TCF12: variants seen among roughly 807,000 people sequenced by gnomAD.
TCF12 encodes transcription factor 12, also known as DNA-binding protein HTF4.
In TCF12, 45 loss-of-function variants were observed where a neutral mutation model predicts 86.0. That is an observed-to-expected ratio of 0.52 (90% confidence interval 0.41 to 0.67). TCF12 has a LOEUF of 0.67. TCF12 is among the 30% of genes least tolerant of loss of function. The probability of loss-of-function intolerance (pLI) is 0.00; values close to 1 mark genes in which losing one functional copy is unlikely to be tolerated. For synonymous variants in TCF12, 330 were observed against 299.6 expected, an observed-to-expected ratio of 1.10 and a Z score of -1.05; for missense variants, 881 against 859.9, an observed-to-expected ratio of 1.02 and a Z score of -0.31.
At chr15:56,957,618 A>G (rs2061555124) in intron 3 of TCF12, among the ~76,000 whole-genome samples, 1 of 152,192 alleles carries the variant, frequency 6.6e-6, no homozygotes, top group South Asian at 2.1e-4. Flanking sequence ...AGCACGTAAT[A>G]ACTAATTTAA....
At chr15:57,144,450 A>G (rs1267992221) in intron 5 of TCF12, among the ~76,000 whole-genome samples, 1 of 152,240 alleles carries the variant, frequency 6.6e-6, no homozygotes, top group Non-Finnish European at 1.5e-5. Context: ...AAATGCTTTT[A>G]ATGTAAACAA....
At chr15:56,932,989 T>C (rs1214429214) in intron 3 of TCF12, among the ~76,000 whole-genome samples, 1 of 152,232 alleles carries the variant, frequency 6.6e-6, no homozygotes, top group African/African-American at 2.4e-5. Flanking sequence ...GTAATTCTTT[T>C]TTTGTGTGGT....
Position 57,100,215 on chromosome 15 carries a change from C to T in TCF12, c.325+8324C>T, listed in dbSNP as rs111512506. Among the ~76,000 whole-genome samples, 119 of 152,208 alleles carry T rather than the reference C, an allele frequency of 7.8e-4. 4 individuals carry two copies. Among genetic ancestry groups the T allele is most frequent in the African/African-American group, 2.8e-3 (117 of 41,530 alleles). On this transcript the variant is annotated intron_variant, in intron 5 of 20. Coordinates refer to ENST00000333725, the MANE Select transcript of TCF12 (RefSeq NM_207037.2). Reference sequence around the variant, plus strand: ...CCTGTAGGGAGGTGGATGACAGGGGCCGTGGCTACTTGGTTGCTAGAGAAC... The same window carrying T: ...CCTGTAGGGAGGTGGATGACAGGGGTCGTGGCTACTTGGTTGCTAGAGAAC...
At chr15:56,942,739 A>T (rs1271808742) in intron 3 of TCF12, among the ~76,000 whole-genome samples, 1 of 152,164 alleles carries the variant, frequency 6.6e-6, no homozygotes, top group Admixed American at 6.5e-5. Context: ...TCAGTTTTTT[A>T]AAATTAAAGT....
chr15:57,165,984 A>G (rs1014020022), intron 5 of TCF12, among the ~76,000 whole-genome samples: 6 of 152,012 alleles, frequency 3.9e-5, no homozygotes, highest in Non-Finnish European at 8.8e-5. Context: ...TTAAAATACT[A>G]TACGTTGAAA....
chr15:57,077,065 T>C (rs1186927207), intron 4 of TCF12, among the ~76,000 whole-genome samples: 1 of 152,182 alleles, frequency 6.6e-6, no homozygotes, highest in East Asian at 1.9e-4. Context: ...TTAAAGTAAA[T>C]CTTGGTATCA....
At chr15:56,978,928 A>G (rs2140859630) in intron 3 of TCF12, among the ~76,000 whole-genome samples, 1 of 152,262 alleles carries the variant, frequency 6.6e-6, no homozygotes, top group African/African-American at 2.4e-5. Context: ...GAGCAACTGA[A>G]TTTTTAATTT....
intron 8 of TCF12, among the ~76,000 whole-genome samples, chr15:57,226,178 A>G (rs1263427473): frequency 6.7e-6 from 1 of 150,190 alleles, no homozygotes; most frequent in East Asian, 2.0e-4. Flanking sequence ...GGGTTGGGAT[A>G]TTCTTTTATT....
chr15:57,067,854 GA>G (rs1226786862), intron 4 of TCF12, among the ~76,000 whole-genome samples: 1 of 152,194 alleles, frequency 6.6e-6, no homozygotes, highest in Admixed American at 6.5e-5. Flanking sequence ...ACCTGAGACT[GA>G]AAGGAGTGAT....
At chr15:57,170,737 AATATATATTATATATTATATATT>A (rs2055376046) in intron 6 of TCF12, among the ~76,000 whole-genome samples, 2 of 24,846 alleles carry the variant, frequency 8.0e-5, no homozygotes, top group Non-Finnish European at 1.9e-4. Flanking sequence ...TATTATATAT[AATATATATTATATATTATATATT>A]ATATATATAT....
chr15:57,253,368 T>C lies in TCF12; in HGVS notation c.1367T>C (p.Ile456Thr), dbSNP rs1399818521. 2.5e-6 allele frequency: 4 copies of C among 1,613,984 alleles called. No individual in the cohort carries two copies. The highest frequency in any genetic ancestry group is 4.5e-5 in the East Asian group (2 of 44,882). The change falls in exon 16 of 21, where the codon ATA (isoleucine) becomes ACA (threonine). Residue 456 changes from isoleucine (I) to threonine (T), a missense_variant. Transcript: ENST00000333725. The stretch of plus-strand genomic sequence containing the variant: ...AGTTTGCCTGCTGGTCACAGTGATA[T>C]ACATAGTTTATTGGGACCATCCCAT... The part of the protein sequence containing the change: ...STSLPAGHSD[I>T]HSLLGPSHNA...
intron 15 of TCF12, among the ~76,000 whole-genome samples, chr15:57,252,883 C>CA (rs1315637824): frequency 6.6e-6 from 1 of 150,696 alleles, no homozygotes; most frequent in Non-Finnish European, 1.5e-5. Context: ...GTCCCTTCCC[C>CA]AAATTGCCAT....
chr15:57,226,600 G>A (rs755937536), intron 8 of TCF12, among the ~76,000 whole-genome samples: 3 of 152,156 alleles, frequency 2.0e-5, no homozygotes, highest in Non-Finnish European at 4.4e-5. Context: ...TTAGTTCTGT[G>A]TTGGACCATG....
chr15:57,239,632 G>A (rs985018441), intron 12 of TCF12, among the ~76,000 whole-genome samples: 31 of 152,078 alleles, frequency 2.0e-4, no homozygotes, highest in African/African-American at 7.5e-4. Flanking sequence ...GCAAGTTTGA[G>A]TAAAGATTTA....
chr15:57,025,051 A>G (rs910506090), intron 3 of TCF12, among the ~76,000 whole-genome samples: 3 of 151,424 alleles, frequency 2.0e-5, no homozygotes, highest in Admixed American at 2.0e-4. Flanking sequence ...ATCTAGTCCT[A>G]TGTGATTTAT....
chr15:57,240,821 A>G (rs933971389), intron 12 of TCF12, among the ~76,000 whole-genome samples: 2 of 141,760 alleles, frequency 1.4e-5, no homozygotes, highest in Non-Finnish European at 3.0e-5. Context: ...TTGAGGCTGC[A>G]GTGAGCCATG....
At chr15:57,049,595 A>G (rs1219618732) in intron 3 of TCF12, among the ~76,000 whole-genome samples, 1 of 152,170 alleles carries the variant, frequency 6.6e-6, no homozygotes, top group Non-Finnish European at 1.5e-5. Context: ...AAACCATCAT[A>G]CATTTATCCC....
intron 18 of TCF12, among the ~76,000 whole-genome samples, chr15:57,267,647 G>C (rs1226988443): frequency 6.6e-6 from 1 of 152,110 alleles, no homozygotes; most frequent in Admixed American, 6.5e-5. Context: ...GGGTATCGCT[G>C]TTCCAATAAA....
At chr15:56,932,724 A>G (rs572529632) in intron 3 of TCF12, among the ~76,000 whole-genome samples, 3 of 152,036 alleles carry the variant, frequency 2.0e-5, no homozygotes, top group African/African-American at 4.8e-5. Context: ...ACCTGCCACC[A>G]CACTTATTTT....
Sources: allele counts gnomAD v4.1 joint callset (sites outside exome capture counted in the v4.1 genomes callset), GRCh38; gene constraint gnomAD v4.1.1; transcripts MANE v1.5; gene names NCBI Gene and HGNC (gene_info 2026-07-23, HGNC 2026-07-21).